The following CAMK1D variants were observed in gnomAD, a reference collection of about 807,000 sequenced individuals.
CAMK1D encodes calcium/calmodulin-dependent protein kinase type 1D.
CAMK1D carries 9 observed loss-of-function variants against 47.7 expected under a neutral mutation model. The ratio of observed to expected loss-of-function variants is 0.19; its 90% CI spans 0.11 to 0.33. CAMK1D has a LOEUF of 0.33. Among genes scored for constraint, CAMK1D ranks in the 10% least tolerant of loss-of-function variants. CAMK1D has a pLI of 1.00. For missense variants in CAMK1D, 291 were observed against 488.7 expected, an observed-to-expected ratio of 0.60 and a Z score of 3.81; for synonymous variants, 184 against 184.9, an observed-to-expected ratio of 0.99 and a Z score of 0.04.
intron 3 of CAMK1D, among the ~76,000 whole-genome samples, chr10:12,744,487 A>C (rs973135907): frequency 6.6e-6 from 1 of 151,964 alleles, no homozygotes; most frequent in Non-Finnish European, 1.5e-5. Flanking sequence ...CATTGCCAAC[A>C]CTCATTATTT....
At chr10:12,685,008 C>A (rs192389733) in intron 3 of CAMK1D, among the ~76,000 whole-genome samples, 1 of 152,334 alleles carries the variant, frequency 6.6e-6, no homozygotes, top group East Asian at 1.9e-4. Context: ...TTCCAAAGGT[C>A]TTTAACAACA....
chr10:12,384,953 C>T lies in CAMK1D; in HGVS notation c.92+35043C>T, dbSNP rs535568065. Among the ~76,000 whole-genome samples the T allele has an allele frequency of 9.2e-5, 14 of 152,238 alleles. No individual in the cohort carries two copies. In the South Asian group the frequency reaches 1.0e-3, roughly 11 times the overall value. ...CAATAATTGATAACCCAATTAAAAA[C>T]GGGCCAAGGATATGAATAGGCATTT... On this transcript the variant is annotated intron_variant, in intron 1 of 10. Coordinates refer to ENST00000619168, the MANE Select transcript of CAMK1D (RefSeq NM_153498.4).
intron 1 of CAMK1D, among the ~76,000 whole-genome samples, chr10:12,383,945 A>G (rs1282638379): frequency 5.9e-5 from 9 of 152,242 alleles, no homozygotes; most frequent in Non-Finnish European, 1.2e-4. Flanking sequence ...ATGATCCTGT[A>G]GAGAGAAAAT....
At chr10:12,413,573 G>GA (rs201254818) in intron 1 of CAMK1D, among the ~76,000 whole-genome samples, 2 of 324 alleles carry the variant, frequency 6.2e-3, no homozygotes, top group Non-Finnish European at 0.012. Context: ...GATGACATTG[G>GA]GGATGATGAT....
chr10:12,651,997 C>T (rs376296384), intron 2 of CAMK1D, among the ~76,000 whole-genome samples: 1,936 of 149,726 alleles, frequency 0.013, 40 homozygotes, highest in South Asian at 0.12. Flanking sequence ...GCCAGGATGG[C>T]CTCTATCTCC....
At chr10:12,549,243 C>T (rs1836501945) in intron 1 of CAMK1D, among the ~76,000 whole-genome samples, 1 of 152,208 alleles carries the variant, frequency 6.6e-6, no homozygotes, top group African/African-American at 2.4e-5. Context: ...CCCTAGCAAC[C>T]ACAGTTCTAC....
chr10:12,769,876 C>T, intron 5 of CAMK1D, 77 bp downstream of exon 5: 1 of 1,526,456 alleles, frequency 6.6e-7, no homozygotes, highest in Non-Finnish European at 9.0e-7. Context: ...CGTGTCAACT[C>T]ATCAGTTGTG....
At chr10:12,406,196 G>A (rs1026205849) in intron 1 of CAMK1D, among the ~76,000 whole-genome samples, 10 of 152,056 alleles carry the variant, frequency 6.6e-5, no homozygotes, top group Non-Finnish European at 1.0e-4. Flanking sequence ...TGTGCACTCC[G>A]GACATTCAGC....
intron 2 of CAMK1D, among the ~76,000 whole-genome samples, chr10:12,633,315 C>A (rs1839430504): frequency 6.6e-6 from 1 of 152,126 alleles, no homozygotes; most frequent in South Asian, 2.1e-4. Flanking sequence ...ATTTGTATTT[C>A]TTTTTCCCTG....
At chr10:12,620,742 GT>G (rs1838974150) in intron 2 of CAMK1D, among the ~76,000 whole-genome samples, 1 of 152,162 alleles carries the variant, frequency 6.6e-6, no homozygotes, top group South Asian at 2.1e-4. Flanking sequence ...TCTTGATGGG[GT>G]CATTCACAGA....
Position 12,694,231 on chromosome 10 carries a change from G to GCATAATATATATTATATATTA in CAMK1D, c.299+27421_299+27422insCATAATATATATTATATATTA, listed in dbSNP as rs1833121682. On this transcript the variant is annotated intron_variant, in intron 3 of 10. Transcript: ENST00000619168. ...ATGTATAATATAAAATATATATTAT[G>GCATAATATATATTATATATTA]TATAATATATAATATATATTATGTA... Among the ~76,000 whole-genome samples, 4 of 2,496 alleles carry GCATAATATATATTATATATTA rather than the reference G, an allele frequency of 1.6e-3. 1 individual carries two copies. Among genetic ancestry groups the GCATAATATATATTATATATTA allele is most frequent in the African/African-American group, 3.2e-3 (4 of 1,238 alleles). The allele number at this position is 2,496 out of a possible 152,430, so 1.6% of individuals were successfully genotyped here.
chr10:12,423,094 A>C (rs1840112552), intron 1 of CAMK1D, among the ~76,000 whole-genome samples: 1 of 152,202 alleles, frequency 6.6e-6, no homozygotes, highest in East Asian at 1.9e-4. Flanking sequence ...TTTATGATGC[A>C]GAATAAAGGA....
At chr10:12,716,996 T>C (rs1834167459) in intron 3 of CAMK1D, among the ~76,000 whole-genome samples, 1 of 152,218 alleles carries the variant, frequency 6.6e-6, no homozygotes, top group African/African-American at 2.4e-5. Context: ...CTGTGATATT[T>C]TCTCATTTTA....
chr10:12,817,123 A>G (rs548200486), intron 8 of CAMK1D, among the ~76,000 whole-genome samples: 1 of 152,302 alleles, frequency 6.6e-6, no homozygotes, highest in East Asian at 1.9e-4. Context: ...ACAGCACGGG[A>G]AAGACTTGCC....
At chr10:12,437,550 C>A (rs567494455) in intron 1 of CAMK1D, among the ~76,000 whole-genome samples, 15 of 152,274 alleles carry the variant, frequency 9.9e-5, no homozygotes, top group Non-Finnish European at 1.8e-4. Context: ...ATGGAAGATA[C>A]GGAGATTTCC....
chr10:12,515,417 T>C lies in CAMK1D; in HGVS notation c.93-37808T>C, dbSNP rs11257845. On this transcript the variant is annotated intron_variant, in intron 1 of 10. Transcript: ENST00000619168. The stretch of plus-strand genomic sequence containing the variant: ...TTTTCCTTTTCTTTTTTTTTTTTTT[T>C]CTTTTTTTTTTTCATTATACTTTAA... 8.9e-3 allele frequency among the ~76,000 whole-genome samples: 483 copies of C among 54,344 alleles called. 12 individuals are homozygous for C. The East Asian group carries it at 0.15, about 17-fold the overall frequency. The allele number at this position is 54,344 out of a possible 152,430, so 35.7% of individuals were successfully genotyped here.
At chr10:12,394,732 G>A (rs903287707) in intron 1 of CAMK1D, among the ~76,000 whole-genome samples, 1 of 152,166 alleles carries the variant, frequency 6.6e-6, no homozygotes, top group Admixed American at 6.5e-5. Flanking sequence ...AGAAAGGGGG[G>A]TAAAGGTCAG....
At chr10:12,560,863 A>G (rs1836917444) in intron 2 of CAMK1D, among the ~76,000 whole-genome samples, 1 of 152,004 alleles carries the variant, frequency 6.6e-6, no homozygotes, top group Non-Finnish European at 1.5e-5. Flanking sequence ...ACAATTCTAG[A>G]CACTTGGATA....
chr10:12,583,359 G>A (rs938940927), intron 2 of CAMK1D, among the ~76,000 whole-genome samples: 2 of 152,128 alleles, frequency 1.3e-5, no homozygotes, highest in African/African-American at 2.4e-5. Context: ...TTTGATACTC[G>A]TCATTGTTAA....
Sources: allele counts gnomAD v4.1 joint callset (sites outside exome capture counted in the v4.1 genomes callset), GRCh38; gene constraint gnomAD v4.1.1; transcripts MANE v1.5; gene names NCBI Gene and HGNC (gene_info 2026-07-23, HGNC 2026-07-21).